The following KCND2 variants were observed in gnomAD, a reference collection of about 807,000 sequenced individuals.
KCND2 encodes the protein potassium voltage-gated channel subfamily D member 2, also known as A-type voltage-gated potassium channel KCND2.
A neutral mutation model predicts 54.4 loss-of-function variants in KCND2; 16 were observed. The ratio of observed to expected loss-of-function variants is 0.29; its 90% CI spans 0.20 to 0.45. The LOEUF (loss-of-function observed/expected upper bound fraction) is 0.45, where lower values mean the gene tolerates loss of function less well. KCND2 is among the 20% of genes least tolerant of loss of function. The probability of loss-of-function intolerance (pLI) is 1.00; values close to 1 mark genes in which losing one functional copy is unlikely to be tolerated. For synonymous variants in KCND2, 317 were observed against 310.7 expected (o/e 1.02, Z -0.21); for missense variants, 486 against 824.2 (o/e 0.59, Z 5.02).
Position 120,747,675 on chromosome 7 carries a change from T to A in KCND2, c.1716-6T>A, listed in dbSNP as rs781548931. On this transcript the variant is annotated splice_polypyrimidine_tract_variant and splice_region_variant and intron_variant, in intron 5 of 5. Transcript: ENST00000331113. Reference sequence around the variant, plus strand: ...TTACTTTCCTAAATATTTTTTTTTCTATCAGCCGATCCAGTTTAAATGCCA... The same window carrying A: ...TTACTTTCCTAAATATTTTTTTTTCAATCAGCCGATCCAGTTTAAATGCCA... The A allele has an allele frequency of 1.2e-6, 2 of 1,607,738 alleles. No individual in the cohort carries two copies. Among genetic ancestry groups the A allele is most frequent in the Non-Finnish European group, 1.7e-6 (2 of 1,174,864 alleles).
chr7:120,673,529 G>A (rs1350124431), intron 1 of KCND2, among the ~76,000 whole-genome samples: 2 of 151,912 alleles, frequency 1.3e-5, no homozygotes, highest in Admixed American at 6.6e-5. Flanking sequence ...AGTCATGTTC[G>A]TGCTGCAAAT....
chr7:120,383,447 G>T (rs73217214), intron 1 of KCND2, among the ~76,000 whole-genome samples: 15,571 of 151,106 alleles, frequency 0.1, 885 homozygotes, highest in Admixed American at 0.13. Flanking sequence ...TTAGAAAATA[G>T]AAATTAAACT....
chr7:120,739,798 AACAC>A (rs10571787), intron 2 of KCND2, among the ~76,000 whole-genome samples: 3,823 of 144,012 alleles, frequency 0.027, 58 homozygotes, highest in African/African-American at 0.051. Context: ...TAACAAAAGA[AACAC>A]ACACACACAC....
chr7:120,728,543 G>C (rs1792765535), intron 1 of KCND2, among the ~76,000 whole-genome samples: 1 of 152,084 alleles, frequency 6.6e-6, no homozygotes, highest in Non-Finnish European at 1.5e-5. Context: ...ACCAGCCTCT[G>C]CTTCCCAAAG....
intron 3 of KCND2, among the ~76,000 whole-genome samples, 180 bp downstream of exon 3, chr7:120,741,809 G>T (rs534250238): frequency 6.6e-6 from 1 of 151,940 alleles, no homozygotes; most frequent in Non-Finnish European, 1.5e-5. Context: ...GCTGTAGAAG[G>T]TTAGAAACTT....
intron 1 of KCND2, among the ~76,000 whole-genome samples, chr7:120,646,837 T>G (rs981370985): frequency 2.0e-5 from 3 of 152,232 alleles, no homozygotes; most frequent in African/African-American, 7.2e-5. Flanking sequence ...TTTCTACTAG[T>G]GAAAGTACAA....
intron 1 of KCND2, among the ~76,000 whole-genome samples, chr7:120,669,666 T>C (rs762966933): frequency 6.6e-5 from 10 of 152,048 alleles, no homozygotes; most frequent in Admixed American, 1.3e-4. Flanking sequence ...AATATAAAAA[T>C]AGTAACTGCC....
intron 1 of KCND2, among the ~76,000 whole-genome samples, chr7:120,586,617 G>A (rs542126046): frequency 6.6e-6 from 1 of 152,260 alleles, no homozygotes; most frequent in East Asian, 1.9e-4. Context: ...TTTGTAGACT[G>A]TCAAATAAGC....
chr7:120,614,178 A>G (rs1399311347), intron 1 of KCND2, among the ~76,000 whole-genome samples: 3 of 152,054 alleles, frequency 2.0e-5, no homozygotes, highest in African/African-American at 7.2e-5. Flanking sequence ...ACGCCCAGCT[A>G]CTTTTTGTAT....
chr7:120,705,332 G>A (rs1275683998), intron 1 of KCND2, among the ~76,000 whole-genome samples: 2 of 152,144 alleles, frequency 1.3e-5, no homozygotes, highest in Non-Finnish European at 2.9e-5. Flanking sequence ...TCAATATGAT[G>A]TATAAAATTC....
chr7:120,670,467 A>G (rs1425647493), intron 1 of KCND2, among the ~76,000 whole-genome samples: 1 of 152,078 alleles, frequency 6.6e-6, no homozygotes, highest in Non-Finnish European at 1.5e-5. Context: ...TCATAGGTCC[A>G]TGGATTTGTT....
chr7:120,609,349 A>T (rs1792922105), intron 1 of KCND2, among the ~76,000 whole-genome samples: 1 of 152,100 alleles, frequency 6.6e-6, no homozygotes, highest in South Asian at 2.1e-4. Context: ...CACTCTGTCA[A>T]CCCTTACATA....
At chr7:120,315,721 G>T (rs1485636088) in intron 1 of KCND2, among the ~76,000 whole-genome samples, 1 of 151,204 alleles carries the variant, frequency 6.6e-6, no homozygotes, top group Non-Finnish European at 1.5e-5. Flanking sequence ...TGTAGGGAAA[G>T]TCAAGCAGTG....
Position 120,572,984 on chromosome 7 carries a change from CAT to C in KCND2, c.1116-159918_1116-159917del, listed in dbSNP as rs752932298. On this transcript the variant is annotated intron_variant, in intron 1 of 5. Coordinates refer to ENST00000331113, the MANE Select transcript of KCND2 (RefSeq NM_012281.3). ...ATTCTCTTGATTTGTAAACTATTTA[CAT>C]GTTTAACATAAAACACTCTTTGATT... Among the ~76,000 whole-genome samples the C allele has an allele frequency of 2.6e-5, 4 of 152,266 alleles. No individual in the cohort carries two copies. In the East Asian group the frequency reaches 5.8e-4, roughly 22 times the overall value.
chr7:120,386,060 A>T (rs1417909709), intron 1 of KCND2, among the ~76,000 whole-genome samples: 3 of 152,108 alleles, frequency 2.0e-5, no homozygotes, highest in Non-Finnish European at 4.4e-5. Flanking sequence ...TTTTCTGTCT[A>T]GCCTCAGGAG....
At chr7:120,611,668 G>A (rs1484160166) in intron 1 of KCND2, among the ~76,000 whole-genome samples, 1 of 152,108 alleles carries the variant, frequency 6.6e-6, no homozygotes, top group Non-Finnish European at 1.5e-5. Context: ...AATATAAAAA[G>A]ATTTCATTTT....
At chr7:120,313,431 C>A (rs1307430434) in intron 1 of KCND2, among the ~76,000 whole-genome samples, 1 of 152,052 alleles carries the variant, frequency 6.6e-6, no homozygotes, top group Non-Finnish European at 1.5e-5. Context: ...CTTTGTTATT[C>A]AATTTTTTTG....
chr7:120,609,162 C>CT (rs1255115334), intron 1 of KCND2, among the ~76,000 whole-genome samples: 1 of 151,892 alleles, frequency 6.6e-6, no homozygotes, highest in Non-Finnish European at 1.5e-5. Context: ...CAGTTGCTAC[C>CT]TAATCACTGC....
intron 1 of KCND2, among the ~76,000 whole-genome samples, chr7:120,590,019 T>C (rs898645739): frequency 2.0e-5 from 3 of 152,186 alleles, no homozygotes; most frequent in Non-Finnish European, 4.4e-5. Flanking sequence ...GTTTTTGTTT[T>C]TGTTTTTGTT....
Sources: gnomAD v4.1 joint callset for allele counts (sites outside exome capture counted in the v4.1 genomes callset) on GRCh38, gnomAD v4.1.1 for gene constraint, MANE v1.5 for transcripts, NCBI Gene and HGNC (gene_info 2026-07-23, HGNC 2026-07-21) for gene names.